FNDC3B: variants seen among roughly 807,000 people sequenced by gnomAD.
FNDC3B encodes fibronectin type III domain-containing protein 3B.
In FNDC3B, 12 loss-of-function variants were observed where a neutral mutation model predicts 151.5. The ratio of observed to expected loss-of-function variants is 0.08; its 90% CI spans 0.05 to 0.13. The LOEUF is 0.13. Ranked by LOEUF, FNDC3B falls within the 10% of genes least tolerant of loss-of-function variation. The pLI is 1.00. For synonymous variants in FNDC3B, 528 were observed against 549.0 expected, an observed-to-expected ratio of 0.96 and a Z score of 0.54; for missense variants, 1,214 against 1,505.3, an observed-to-expected ratio of 0.81 and a Z score of 3.20.
intron 1 of FNDC3B, among the ~76,000 whole-genome samples, chr3:172,086,559 A>AT (rs1718555916): frequency 6.6e-6 from 1 of 152,186 alleles, no homozygotes; most frequent in Non-Finnish European, 1.5e-5. Flanking sequence ...GTGACTCTTT[A>AT]TGTAAAAATT....
At chr3:172,072,278 G>T (rs912928132) in intron 1 of FNDC3B, among the ~76,000 whole-genome samples, 14 of 151,144 alleles carry the variant, frequency 9.3e-5, no homozygotes, top group Admixed American at 9.3e-4. Flanking sequence ...GTAGCTAGTG[G>T]TTCTAGTACT....
At position 172,135,255 on chromosome 3, in the gene FNDC3B, A is replaced by ATG. The variant is rs144768382; in HGVS notation, c.187+1725_187+1726dup. Among the ~76,000 whole-genome samples the ATG allele has an allele frequency of 3.5e-3, 528 of 150,364 alleles. 3 individuals carry two copies. The highest frequency in any genetic ancestry group is 4.0e-3 in the Non-Finnish European group (270 of 67,430). Reference sequence around the variant, plus strand: ...TTTTTGGTGTCTAAGGAGTGTGTGTATGTGTGTGTGTGTGTGTATATATGT... The same window carrying ATG: ...TTTTTGGTGTCTAAGGAGTGTGTGTATGTGTGTGTGTGTGTGTGTATATATGT... On this transcript the variant is annotated intron_variant, in intron 3 of 25. Transcript: ENST00000415807.
intron 7 of FNDC3B, 141 bp downstream of exon 7, chr3:172,286,125 C>T (rs1035371141): frequency 2.5e-5 from 16 of 634,796 alleles, no homozygotes; most frequent in African/African-American, 1.5e-4. Flanking sequence ...AAATAGTGTT[C>T]GGTTCAGTTA....
At chr3:172,344,716 A>G (rs1159187943) in intron 19 of FNDC3B, among the ~76,000 whole-genome samples, 1 of 152,164 alleles carries the variant, frequency 6.6e-6, no homozygotes, top group Admixed American at 6.5e-5. Context: ...GTTTTGTTTC[A>G]CGTGAAAACT....
intron 2 of FNDC3B, among the ~76,000 whole-genome samples, chr3:172,121,101 C>G (rs1465714646): frequency 6.6e-6 from 1 of 152,212 alleles, no homozygotes; most frequent in Non-Finnish European, 1.5e-5. Context: ...ACTCTGTCCA[C>G]TTCACTTAGT....
intron 3 of FNDC3B, among the ~76,000 whole-genome samples, chr3:172,203,761 G>A (rs1340144223): frequency 6.6e-6 from 1 of 152,204 alleles, no homozygotes; most frequent in East Asian, 1.9e-4. Flanking sequence ...AGTGATTGGT[G>A]TAAAGCCATT....
chr3:172,074,792 G>A (rs1307168625), intron 1 of FNDC3B, among the ~76,000 whole-genome samples: 1 of 152,150 alleles, frequency 6.6e-6, no homozygotes, highest in African/African-American at 2.4e-5. Flanking sequence ...TTACCGGTTG[G>A]GGACCCACAG....
intron 4 of FNDC3B, among the ~76,000 whole-genome samples, chr3:172,229,608 T>C (rs933987111): frequency 3.3e-5 from 5 of 152,212 alleles, no homozygotes; most frequent in Non-Finnish European, 5.9e-5. Flanking sequence ...GAATAAAATG[T>C]GTATTTATAG....
At chr3:172,068,133 C>T (rs1437562907) in intron 1 of FNDC3B, among the ~76,000 whole-genome samples, 1 of 152,152 alleles carries the variant, frequency 6.6e-6, no homozygotes, top group Non-Finnish European at 1.5e-5. Flanking sequence ...TCTATTTTGT[C>T]TTATACACTT....
chr3:172,266,692 G>A (rs577243165), intron 6 of FNDC3B, among the ~76,000 whole-genome samples: 1 of 152,262 alleles, frequency 6.6e-6, no homozygotes, highest in East Asian at 1.9e-4. Context: ...CCAGCTTCAA[G>A]ACCAGCATCT....
In FNDC3B at chr3:172,330,566, T is replaced by C. The variant is rs1402123735; in HGVS notation, c.1405T>C (p.Tyr469His). ...TGGTTATAGCCAAGAGGTGGTGTGC[T>C]ACACATTAGGAAATATCCCTCAGAT... is the stretch of plus-strand genomic sequence containing the variant. ...TSGYSQEVVCYTLGNIPQMPS... is the reference protein window; with the variant it reads ...TSGYSQEVVCHTLGNIPQMPS... The change falls in exon 13 of 26, where the codon TAC becomes CAC. Residue 469 changes from tyrosine to histidine, a missense_variant. Physicochemically the swap from Tyr to His is moderately conservative, Grantham distance 83. Around this residue, in one of 7 missense-constraint regions of FNDC3B, gnomAD observed 111 missense variants for 96.8 expected, o/e 1.15. Coordinates refer to ENST00000415807, the MANE Select transcript of FNDC3B (RefSeq NM_022763.4). 1.9e-6 allele frequency: 3 copies of C among 1,613,834 alleles called. No homozygotes were observed. Among genetic ancestry groups the C allele is most frequent in the Admixed American group, 1.7e-5 (1 of 59,982 alleles).
chr3:172,186,860 G>A (rs956847368), intron 3 of FNDC3B: 1 of 614,566 alleles, frequency 1.6e-6, no homozygotes, highest in Admixed American at 2.7e-5. Context: ...TGTCTGAAGT[G>A]GATTAAGTGG....
intron 1 of FNDC3B, among the ~76,000 whole-genome samples, chr3:172,055,799 T>TTTTTTTTTTTTTTG (rs1560385488): frequency 6.6e-6 from 1 of 151,722 alleles, no homozygotes; most frequent in African/African-American, 2.4e-5. Context: ...TTTTTTTTTT[T>TTTTTTTTTTTTTTG]AGACGGAGTC....
At chr3:172,179,351 C>T (rs960969769) in intron 3 of FNDC3B, among the ~76,000 whole-genome samples, 3 of 152,146 alleles carry the variant, frequency 2.0e-5, no homozygotes, top group Admixed American at 1.3e-4. Flanking sequence ...TTTGAGCTGC[C>T]GTGCCTGGCC....
chr3:172,181,827 C>CAAAAA (rs747723219), intron 3 of FNDC3B, among the ~76,000 whole-genome samples: 12 of 61,570 alleles, frequency 1.9e-4, no homozygotes, highest in East Asian at 5.7e-4. Flanking sequence ...GACTCCATCT[C>CAAAAA]AAAAAAAAAA....
rs1560380400 is a variant in FNDC3B at position 172,045,769 on chromosome 3, TCTC to T, written c.-29+5999_-29+6001del. Among the ~76,000 whole-genome samples, 20 of 17,478 alleles carry T rather than the reference TCTC, an allele frequency of 1.1e-3. 1 individual carries two copies. The East Asian group carries it at 0.053, about 47-fold the overall frequency. The allele number at this position is 17,478 out of a possible 152,430, so 11.5% of individuals were successfully genotyped here. A position where few individuals can be genotyped will look rare whatever the true frequency, so the allele number is the denominator to read the frequency against. On this transcript the variant is annotated intron_variant, in intron 1 of 25. Coordinates refer to ENST00000415807, the MANE Select transcript of FNDC3B (RefSeq NM_022763.4). The stretch of plus-strand genomic sequence containing the variant: ...TTTGTACTTTAGTTTACTGAGTGTC[TCTC>T]TCTCTCTCTCTCTCTCTCTCTCTAT...
intron 10 of FNDC3B, among the ~76,000 whole-genome samples, chr3:172,310,417 G>A (rs1489269653): frequency 6.6e-6 from 1 of 152,192 alleles, no homozygotes; most frequent in Non-Finnish European, 1.5e-5. Context: ...TATGTGGGAT[G>A]TTATAAAAAG....
intron 3 of FNDC3B, among the ~76,000 whole-genome samples, chr3:172,168,991 G>A (rs1374669048): frequency 6.6e-6 from 1 of 151,784 alleles, no homozygotes; most frequent in Non-Finnish European, 1.5e-5. Context: ...GGGATTACAG[G>A]CGCGAGCCAC....
At position 172,365,282 on chromosome 3, in the gene FNDC3B, T is replaced by G. The variant is rs554610159; in HGVS notation, c.3008+2437T>G. ...CTGTCTTTTTCATTGAACTTGTTGC[T>G]AGAGGAGCTTCTAGTTTTAAAGCAC... On this transcript the variant is annotated intron_variant, in intron 23 of 25. Transcript: ENST00000415807. 1.7e-4 allele frequency among the ~76,000 whole-genome samples: 26 copies of G among 152,332 alleles called. 1 individual carries two copies. In the South Asian group the frequency reaches 5.4e-3, roughly 32 times the overall value.
Sources: allele counts gnomAD v4.1 joint callset (sites outside exome capture counted in the v4.1 genomes callset), GRCh38; gene constraint gnomAD v4.1.1; regional missense constraint gnomAD v4.1.1; transcripts MANE v1.5; gene names NCBI Gene and HGNC (gene_info 2026-07-23, HGNC 2026-07-21).